SLC9A5: variants seen among roughly 807,000 people sequenced by gnomAD.
SLC9A5 encodes the protein solute carrier family 9 member A5.
SLC9A5 carries 52 observed loss-of-function variants against 91.7 expected under a neutral mutation model. The ratio of observed to expected loss-of-function variants is 0.57; its 90% CI spans 0.45 to 0.71. The LOEUF (loss-of-function observed/expected upper bound fraction) is 0.71. SLC9A5 is among the 30% of genes least tolerant of loss of function. The pLI, the probability that SLC9A5 is intolerant of heterozygous loss-of-function variation, is 0.00. For synonymous variants in SLC9A5, 419 were observed against 474.5 expected, an observed-to-expected ratio of 0.88 and a Z score of 1.52; for missense variants, 871 against 1,158.9, an observed-to-expected ratio of 0.75 and a Z score of 3.61.
At chr16:67,251,403 CTTTTTTTTTTTTTTT>C (rs939453669) in intron 1 of SLC9A5, among the ~76,000 whole-genome samples, 1 of 64,800 alleles carries the variant, frequency 1.5e-5, no homozygotes, top group Non-Finnish European at 2.9e-5. Context: ...AGTAGATTGT[CTTTTTTTTTTTTTTT>C]TTTTTTTTTT....
In SLC9A5 at chr16:67,252,165, G is replaced by A. The variant is rs572666514; in HGVS notation, c.188-377G>A. Among the ~76,000 whole-genome samples the A allele has an allele frequency of 6.6e-6, 1 of 152,064 alleles. No homozygotes were observed. Among genetic ancestry groups the A allele is most frequent in the South Asian group, 2.1e-4 (1 of 4,808 alleles). On this transcript the variant is annotated intron_variant, in intron 1 of 15. Coordinates refer to ENST00000299798, the MANE Select transcript of SLC9A5 (RefSeq NM_004594.3). This position sits in a 1 kb window ranked among gnomAD's most constrained non-coding sequence, Gnocchi z 4.0. ...CCTCCCTTGGTCCCAGTCTTAGAAG[G>A]TTGGCCAGGCGCGGTGGCTCACACC...
chr16:67,259,514 CT>C (rs2035448306), intron 10 of SLC9A5, 58 bp from the exon 11 acceptor site: 8 of 1,234,650 alleles, frequency 6.5e-6, no homozygotes, highest in Admixed American at 5.1e-5. Flanking sequence ...TTTATTACCC[CT>C]GACTCCTGGG....
At chr16:67,268,706 A>ATT (rs1159247120) in intron 15 of SLC9A5, among the ~76,000 whole-genome samples, 3 of 90,294 alleles carry the variant, frequency 3.3e-5, no homozygotes, top group South Asian at 3.9e-4. Context: ...ATATATATAT[A>ATT]TATATTTTTA....
intron 12 of SLC9A5, 119 bp downstream of exon 12, chr16:67,260,065 T>G (rs1161558610): frequency 1.4e-6 from 2 of 1,390,438 alleles, no homozygotes; most frequent in African/African-American, 1.4e-5. Context: ...AGTGTGGGTT[T>G]CAGCCGGGTG....
At position 67,257,391 on chromosome 16, in the gene SLC9A5, G is replaced by T; in HGVS notation, c.1382G>T (p.Ser461Ile). The T allele has an allele frequency of 6.2e-7, 1 of 1,614,188 alleles. No homozygotes were observed. ...PLVKWLKVKR[S>I]EHHKPTLNQE... Reference sequence around the variant, plus strand: ...GTCAAATGGCTGAAGGTGAAGAGGAGTGAGCATCACAAACCCACCCTGAAC... The same window carrying T: ...GTCAAATGGCTGAAGGTGAAGAGGATTGAGCATCACAAACCCACCCTGAAC... Residue 461 changes from serine to isoleucine, a missense_variant, in exon 8 of 16, where the codon AGT becomes ATT. Ser to Ile is a moderately radical substitution (Grantham distance 142, BLOSUM62 -2). Transcript: ENST00000299798. This position sits in a 1 kb window ranked among gnomAD's most constrained non-coding sequence, Gnocchi z 5.1.
rs2035007145 is a variant in SLC9A5, at chr16:67,249,142, A to T, written c.128A>T (p.Glu43Val). 1 of 1,561,006 alleles carries T rather than the reference A, an allele frequency of 6.4e-7. No homozygotes were observed. The highest frequency in any genetic ancestry group is 8.6e-7 in the Non-Finnish European group (1 of 1,159,428). ...GAGCTCTTCCGCTGGCAGTGGCACGAGGTGGAGGCGCCCTACCTGGTGGCC... is the reference window on the plus strand; with the variant it reads ...GAGCTCTTCCGCTGGCAGTGGCACGTGGTGGAGGCGCCCTACCTGGTGGCC... Reference protein sequence around the residue: ...GLELFRWQWHEVEAPYLVALW... With the variant: ...GLELFRWQWHVVEAPYLVALW... The change falls in exon 1 of 16, where the codon GAG becomes GTG. Residue 43 changes from glutamate to valine, a missense_variant. Physicochemically the swap from Glu to Val is moderately radical, Grantham distance 121. Transcript: ENST00000299798.
rs368056449 is a variant in SLC9A5, at chr16:67,249,101, G to A, written c.87G>A (p.Glu29=). 6.5e-7 allele frequency: 1 copy of A among 1,542,632 alleles called. No homozygotes were observed. Among genetic ancestry groups the A allele is most frequent in the East Asian group, 2.5e-5 (1 of 39,806 alleles). ...CCCAGAAGCCAGAGTCCCCGGGCGAGCCTCCCCCAGGCTTAGAGCTCTTCC... is the reference window on the plus strand; with the variant it reads ...CCCAGAAGCCAGAGTCCCCGGGCGAACCTCCCCCAGGCTTAGAGCTCTTCC... The part of the protein sequence containing the change: ...EPTQKPESPG[E]PPPGLELFRW... The change falls in exon 1 of 16, where the codon GAG becomes GAA. Residue 29 remains glutamate (E), a synonymous_variant. Transcript: ENST00000299798.
chr16:67,261,164 G>A (rs1314460416), intron 12 of SLC9A5: 2 of 152,194 alleles, frequency 1.3e-5, no homozygotes, highest in African/African-American at 4.8e-5. Flanking sequence ...CCAGGGAAGG[G>A]CCTAGAAGCT....
At chr16:67,262,712 G>A in intron 12 of SLC9A5, 1 of 198,492 alleles carries the variant, frequency 5.0e-6, no homozygotes, top group Non-Finnish European at 1.1e-5. Context: ...GGCGGGAGGA[G>A]GGCTAAGGAT....
Position 67,265,079 on chromosome 16 carries a change from C to A in SLC9A5, c.2053C>A (p.His685Asn), listed in dbSNP as rs750383445. The change falls in exon 14 of 16, where the codon CAT becomes AAT. Residue 685 changes from histidine (H) to asparagine (N), a missense_variant. Coordinates refer to ENST00000299798, the MANE Select transcript of SLC9A5 (RefSeq NM_004594.3). ...VANAEATNGK[H>N]RGLGFQDTAA... The stretch of plus-strand genomic sequence containing the variant: ...GAATGCTGAGGCTACAAATGGGAAA[C>A]ATCGAGGCCTGGGCTTTCAGGACAC... 5.0e-6 allele frequency: 8 copies of A among 1,614,074 alleles called. No homozygotes were observed. The Admixed American group carries it at 1.3e-4, about 27-fold the overall frequency.
In SLC9A5 at chr16:67,255,143, A is replaced by G. The variant is rs757530041; in HGVS notation, c.613A>G (p.Ile205Val). ...EVHVNETLFI[I>V]VFGESLLNDA... ...GCACGTCAATGAGACTCTCTTTATC[A>G]TCGTCTTTGGCGAGTCCCTGCTCAA... The change falls in exon 3 of 16, where the codon ATC (isoleucine) becomes GTC (valine). Residue 205 changes from isoleucine (I) to valine (V), a missense_variant. Ile to Val is a conservative substitution (Grantham distance 29). This residue lies in a region of SLC9A5 where 454 missense variants were observed against 718.3 expected (regional missense o/e 0.63). Transcript: ENST00000299798. The surrounding 1 kb of genome is among the most constrained non-coding windows in gnomAD (Gnocchi z 4.9). The G allele has an allele frequency of 5.6e-6, 9 of 1,613,776 alleles. No individual in the cohort carries two copies. The highest frequency in any genetic ancestry group is 1.3e-5 in the African/African-American group (1 of 74,818).
chr16:67,271,297 G>A lies in SLC9A5; in HGVS notation c.*87G>A. The A allele has an allele frequency of 8.6e-7, 1 of 1,159,884 alleles. No individual in the cohort carries two copies. Among genetic ancestry groups the A allele is most frequent in the Non-Finnish European group, 1.2e-6 (1 of 809,730 alleles). 71.8% of individuals were successfully genotyped at this position (1,159,884 alleles called of 1,614,324 possible). A position where few individuals can be genotyped will look rare whatever the true frequency, so the allele number is the denominator to read the frequency against. On this transcript the variant is annotated 3_prime_UTR_variant, in exon 16 of 16. Transcript: ENST00000299798. ...GGTAGAGCCCTCGAAACTTGACATG[G>A]GGCCAGAAGGGCCTGGGTTGAAGTA...
intron 2 of SLC9A5, among the ~76,000 whole-genome samples, chr16:67,254,725 G>T (rs2035247541): frequency 6.6e-6 from 1 of 152,230 alleles, no homozygotes; most frequent in Non-Finnish European, 1.5e-5. Flanking sequence ...TGGCTGGGTT[G>T]AGTTTTGAAA....
intron 15 of SLC9A5, among the ~76,000 whole-genome samples, chr16:67,268,656 GATTAT>G (rs2035797497): frequency 1.8e-5 from 1 of 54,860 alleles, no homozygotes; most frequent in Non-Finnish European, 3.4e-5. Context: ...AAATTTCCCT[GATTAT>G]ATATATATAT....
At chr16:67,259,706 G>T (rs892942913) in intron 11 of SLC9A5, 45 bp downstream of exon 11, 3 of 1,598,310 alleles carry the variant, frequency 1.9e-6, no homozygotes, top group Non-Finnish European at 1.7e-6. Context: ...CCTCTCCATT[G>T]TGCCCTCTCT....
At position 67,270,925 on chromosome 16, in the gene SLC9A5, G is replaced by A. The variant is rs371090154; in HGVS notation, c.2406G>A (p.Ala802=). Residue 802 remains alanine (A), a synonymous_variant, in exon 16 of 16, where the codon GCG becomes GCA. Coordinates refer to ENST00000299798, the MANE Select transcript of SLC9A5 (RefSeq NM_004594.3). This position sits in a 1 kb window ranked among gnomAD's most constrained non-coding sequence, Gnocchi z 4.3. ...GCATCTCATCCCTGGAGAGCCTAGC[G>A]TCCCCTCCCTGTAACCAGGCCCCAA... ...NQSISSLESL[A]SPPCNQAPIL... The A allele has an allele frequency of 5.3e-5, 85 of 1,614,022 alleles. No homozygotes were observed. The African/African-American group carries it at 6.9e-4, about 13-fold the overall frequency.
chr16:67,259,543 G>C, intron 10 of SLC9A5, 30 bp from the exon 11 acceptor site: 1 of 1,565,908 alleles, frequency 6.4e-7, no homozygotes, highest in Non-Finnish European at 8.8e-7. Context: ...CCATCTGATT[G>C]CTGGCTGACC....
Position 67,257,061 on chromosome 16 carries a change from A to G in SLC9A5, c.1283A>G (p.Asp428Gly), listed in dbSNP as rs2035346472. 2 of 1,613,256 alleles carry G rather than the reference A, an allele frequency of 1.2e-6. No homozygotes were observed. Among genetic ancestry groups the G allele is most frequent in the Non-Finnish European group, 1.7e-6 (2 of 1,180,018 alleles). Reference sequence around the variant, plus strand: ...GATAGGACCAAGGTCCCTGCCAAGGACTACTTTGTAGCCACCACTATTGTA... The same window carrying G: ...GATAGGACCAAGGTCCCTGCCAAGGGCTACTTTGTAGCCACCACTATTGTA... Reference protein sequence around the residue: ...LLDRTKVPAKDYFVATTIVVV... With the variant: ...LLDRTKVPAKGYFVATTIVVV... The change falls in exon 7 of 16, where the codon GAC (aspartate) becomes GGC (glycine). Residue 428 changes from aspartate (D) to glycine (G), a missense_variant. Asp to Gly is a moderately conservative substitution (Grantham distance 94). Around this residue, in one of 3 missense-constraint regions of SLC9A5, gnomAD observed 454 missense variants for 718.3 expected, o/e 0.63. Transcript: ENST00000299798. The surrounding 1 kb of genome is among the most constrained non-coding windows in gnomAD (Gnocchi z 5.1).
At position 67,270,927 on chromosome 16, in the gene SLC9A5, C is replaced by A. The variant is rs779896928; in HGVS notation, c.2408C>A (p.Ser803Tyr). 3.7e-5 allele frequency: 60 copies of A among 1,613,974 alleles called. No individual in the cohort carries two copies. The highest frequency in any genetic ancestry group is 4.6e-5 in the Non-Finnish European group (54 of 1,180,004). ...ATCTCATCCCTGGAGAGCCTAGCGT[C>A]CCCTCCCTGTAACCAGGCCCCAATT... is the stretch of plus-strand genomic sequence containing the variant. ...QSISSLESLA[S>Y]PPCNQAPILT... is the part of the protein sequence containing the mutation. Residue 803 changes from serine to tyrosine, a missense_variant, in exon 16 of 16, where the codon TCC becomes TAC. Transcript: ENST00000299798. The surrounding 1 kb of genome is among the most constrained non-coding windows in gnomAD (Gnocchi z 4.3).
Sources: allele counts gnomAD v4.1 joint callset (sites outside exome capture counted in the v4.1 genomes callset), GRCh38; gene constraint gnomAD v4.1.1; regional missense constraint gnomAD v4.1.1; non-coding constraint Gnocchi (gnomAD v3.1); transcripts MANE v1.5; gene names NCBI Gene and HGNC (gene_info 2026-07-23, HGNC 2026-07-21).